The following PKN2 variants were observed in gnomAD, a reference collection of about 807,000 sequenced individuals.
PKN2 encodes protein kinase N2, also known as serine/threonine-protein kinase N2.
PKN2 carries 38 observed loss-of-function variants against 119.1 expected under a neutral mutation model. That is an observed-to-expected ratio of 0.32 (90% CI 0.25 to 0.42). The LOEUF (loss-of-function observed/expected upper bound fraction) is 0.42. Ranked by LOEUF, PKN2 falls within the 10% of genes least tolerant of loss-of-function variation. The pLI is 1.00. For synonymous variants in PKN2, 390 were observed against 384.9 expected (o/e 1.01, Z -0.15); for missense variants, 850 against 1,165.1 (o/e 0.73, Z 3.94).
chr1:88,696,774 G>T (rs1666558546), intron 1 of PKN2, among the ~76,000 whole-genome samples: 2 of 152,010 alleles, frequency 1.3e-5, no homozygotes, highest in Non-Finnish European at 2.9e-5. Context: ...GGATTCTCCT[G>T]CTTAAATGTT....
chr1:88,805,178 A>G (rs1219291194), intron 10 of PKN2, among the ~76,000 whole-genome samples: 2 of 152,104 alleles, frequency 1.3e-5, no homozygotes, highest in African/African-American at 4.8e-5. Flanking sequence ...TACTTTCTCA[A>G]ATTTGAAGCA....
At chr1:88,827,763 AG>A (rs1465388480) in intron 18 of PKN2, among the ~76,000 whole-genome samples, 3 of 151,374 alleles carry the variant, frequency 2.0e-5, no homozygotes, top group Non-Finnish European at 4.4e-5. Context: ...CTTGTCACCC[AG>A]GCTGGAGTGC....
At position 88,771,808 on chromosome 1, in the gene PKN2, T is replaced by C; in HGVS notation, c.914T>C (p.Leu305Pro). The change falls in exon 6 of 22, where the codon CTA becomes CCA. Residue 305 changes from leucine to proline, a missense_variant. Physicochemically the swap from Leu to Pro is moderately conservative, Grantham distance 98. Transcript: ENST00000370521. ...ELSLVAASPT[L>P]SPRQSMISTQ... ...TCACTTGTTGCTGCATCACCAACAC[T>C]AAGTCCACGTCAAAGTATGATATCT... 1 of 1,613,960 alleles carries C rather than the reference T, an allele frequency of 6.2e-7. No individual in the cohort carries two copies. Among genetic ancestry groups the C allele is most frequent in the Non-Finnish European group, 8.5e-7 (1 of 1,179,872 alleles).
intron 3 of PKN2, among the ~76,000 whole-genome samples, chr1:88,765,374 C>G (rs1669626878): frequency 6.6e-6 from 1 of 151,886 alleles, no homozygotes; most frequent in African/African-American, 2.4e-5. Context: ...TAGCATCTTG[C>G]ATCGGTTTTA....
rs1672779051 is a variant in PKN2, at chr1:88,832,669, G to A, written c.2563-75G>A. The stretch of plus-strand genomic sequence containing the variant: ...TTTCTTTTTCACTGCCTGGATCTTG[G>A]TTGTACTTTGAATGGGTGATAAGAT... On this transcript the variant is annotated intron_variant, in intron 19 of 21. Coordinates refer to ENST00000370521, the MANE Select transcript of PKN2 (RefSeq NM_006256.4). 18 of 736,696 alleles carry A rather than the reference G, an allele frequency of 2.4e-5. 1 individual carries two copies. In the South Asian group the frequency reaches 3.0e-4, roughly 12 times the overall value. 45.6% of individuals were successfully genotyped at this position (736,696 alleles called of 1,614,324 possible).
intron 1 of PKN2, among the ~76,000 whole-genome samples, chr1:88,705,928 G>A (rs1666986333): frequency 6.6e-6 from 1 of 151,770 alleles, no homozygotes. Context: ...GGGAGTATTA[G>A]TCTTCCAAAT....
chr1:88,770,372 A>T lies in PKN2; in HGVS notation c.525A>T (p.Thr175=), dbSNP rs548826700. The change falls in exon 4 of 22, where the codon ACA becomes ACT. Residue 175 remains threonine (T), a synonymous_variant. Transcript: ENST00000370521. ...GSSKDRKLHG[T]AQQLLQDSKT... ...AATAGGATCGGAAACTCCATGGTAC[A>T]GCTCAGCAACTGCTCCAGGACAGCA... 3.7e-6 allele frequency: 6 copies of T among 1,611,206 alleles called. No individual in the cohort carries two copies. Among genetic ancestry groups the T allele is most frequent in the Non-Finnish European group, 5.1e-6 (6 of 1,177,466 alleles).
intron 15 of PKN2, among the ~76,000 whole-genome samples, chr1:88,811,289 T>C (rs1671773079): frequency 6.6e-6 from 1 of 152,192 alleles, no homozygotes; most frequent in African/African-American, 2.4e-5. Context: ...CTAACCAGCT[T>C]ATGTAGGATT....
intron 6 of PKN2, 45 bp from the exon 7 acceptor site, chr1:88,784,594 G>A: frequency 8.2e-7 from 1 of 1,223,388 alleles, no homozygotes; most frequent in Non-Finnish European, 1.1e-6. Flanking sequence ...GGATTCCATA[G>A]ATTAAGGGTT....
At chr1:88,764,640 T>G (rs1008211764) in intron 3 of PKN2, among the ~76,000 whole-genome samples, 3 of 152,226 alleles carry the variant, frequency 2.0e-5, no homozygotes, top group Non-Finnish European at 4.4e-5. Flanking sequence ...TACACATTGT[T>G]CTTTTTCTTA....
At chr1:88,802,081 G>A (rs1192491250) in intron 8 of PKN2, among the ~76,000 whole-genome samples, 2 of 152,222 alleles carry the variant, frequency 1.3e-5, no homozygotes, top group African/African-American at 2.4e-5. Context: ...ACATGCTTGA[G>A]TAAGCCAAAG....
rs79482601 is a variant in PKN2 at position 88,780,804 on chromosome 1, A to G, written c.986-3835A>G. Among the ~76,000 whole-genome samples, 1,024 of 152,220 alleles carry G rather than the reference A, an allele frequency of 6.7e-3. 86 individuals carry two copies. The East Asian group carries it at 0.16, about 24-fold the overall frequency. On this transcript the variant is annotated intron_variant, in intron 6 of 21. Coordinates refer to ENST00000370521, the MANE Select transcript of PKN2 (RefSeq NM_006256.4). ...ATACTCAAGCATTTCTGAATGATCC[A>G]TTGATTAAAATAAGGTTGTCAAATA...
chr1:88,794,367 CAAA>C (rs61455908), intron 8 of PKN2, among the ~76,000 whole-genome samples: 4 of 117,364 alleles, frequency 3.4e-5, no homozygotes, highest in African/African-American at 3.0e-5. Context: ...AATTCTGTCT[CAAA>C]AAAAAAAAAA....
chr1:88,807,832 G>GAT, intron 15 of PKN2, 57 bp downstream of exon 15: 2 of 1,000,862 alleles, frequency 2.0e-6, no homozygotes, highest in Non-Finnish European at 3.1e-6. Flanking sequence ...TAAGAGAAAT[G>GAT]ATATATGTAT....
Position 88,684,534 on chromosome 1 carries a change from T to C in PKN2, c.-47T>C. Reference sequence around the variant, plus strand: ...CCGAGCCCCGTCCCGCCTTCTCCCTTCGCCAGAGGCGGCCGCGTCCAGGTG... The same window carrying C: ...CCGAGCCCCGTCCCGCCTTCTCCCTCCGCCAGAGGCGGCCGCGTCCAGGTG... On this transcript the variant is annotated 5_prime_UTR_variant, in exon 1 of 22. Transcript: ENST00000370521. 1 of 1,518,088 alleles carries C rather than the reference T, an allele frequency of 6.6e-7. No individual in the cohort carries two copies. The allele number at this position is 1,518,088 out of a possible 1,614,324, so 94.0% of individuals were successfully genotyped here.
intron 6 of PKN2, among the ~76,000 whole-genome samples, chr1:88,772,423 T>C (rs1201304039): frequency 6.6e-6 from 1 of 152,204 alleles, no homozygotes; most frequent in Non-Finnish European, 1.5e-5. Flanking sequence ...AAATTCTCAT[T>C]GGAGCATTTT....
At chr1:88,819,952 A>G (rs987205735) in intron 16 of PKN2, among the ~76,000 whole-genome samples, 12 of 151,680 alleles carry the variant, frequency 7.9e-5, no homozygotes, top group East Asian at 2.0e-4. Context: ...GAGTTGAACA[A>G]TGAGAACACC....
At chr1:88,733,336 C>CA (rs1326684959) in intron 1 of PKN2, among the ~76,000 whole-genome samples, 1 of 151,930 alleles carries the variant, frequency 6.6e-6, no homozygotes, top group Non-Finnish European at 1.5e-5. Flanking sequence ...TCCATACCCT[C>CA]ATCAACACCT....
chr1:88,692,575 G>A (rs1439043941), intron 1 of PKN2, among the ~76,000 whole-genome samples: 1 of 152,070 alleles, frequency 6.6e-6, no homozygotes, highest in Non-Finnish European at 1.5e-5. Context: ...GTAAAATGTT[G>A]CCTTATTGTG....
Sources: gnomAD v4.1 joint callset for allele counts (sites outside exome capture counted in the v4.1 genomes callset) on GRCh38, gnomAD v4.1.1 for gene constraint, MANE v1.5 for transcripts, NCBI Gene and HGNC (gene_info 2026-07-23, HGNC 2026-07-21) for gene names.